Variants in CLDN10 observed in about 807,000 individuals in gnomAD.
CLDN10 encodes claudin-10.
CLDN10 carries 15 observed loss-of-function variants against 22.9 expected under a neutral mutation model. The observed-to-expected ratio is 0.65, with a 90% confidence interval of 0.44 to 1.01. The LOEUF is 1.01. Ranked by LOEUF, CLDN10 falls within the 50% of genes least tolerant of loss-of-function variation. CLDN10 has a pLI of 0.00. For missense variants in CLDN10, 247 were observed against 287.8 expected, an observed-to-expected ratio of 0.86 and a Z score of 1.03; for synonymous variants, 114 against 111.4, an observed-to-expected ratio of 1.02 and a Z score of -0.15.
chr13:95,506,632 C>T (rs999090352), intron 1 of CLDN10, among the ~76,000 whole-genome samples: 23 of 152,206 alleles, frequency 1.5e-4, no homozygotes, highest in Non-Finnish European at 3.4e-4. Context: ...GGACCCGTTC[C>T]TGTCAGTCAG....
chr13:95,434,569 A>G (rs1044752746), intron 1 of CLDN10, among the ~76,000 whole-genome samples: 7 of 150,482 alleles, frequency 4.7e-5, no homozygotes, highest in Admixed American at 3.9e-4. Flanking sequence ...ACATGTGTGT[A>G]TATATACATT....
At position 95,546,272 on chromosome 13, in the gene CLDN10, AC is replaced by A. The variant is rs147489932; in HGVS notation, c.215-13859del. Among the ~76,000 whole-genome samples the A allele has an allele frequency of 5.9e-5, 9 of 152,294 alleles. 1 individual carries two copies. The East Asian group carries it at 1.7e-3, about 29-fold the overall frequency. ...TTGTCTTGGTGGGAAGCAACTTCTC[AC>A]AAGGAGTGGAGACTCTAGAACTGAG... On this transcript the variant is annotated intron_variant, in intron 1 of 4. Transcript: ENST00000376873.
rs528766822 is a variant in CLDN10 at position 95,564,357 on chromosome 13, T to C, written c.464+3894T>C. 7.2e-5 allele frequency among the ~76,000 whole-genome samples: 11 copies of C among 152,308 alleles called. No homozygotes were observed. In the South Asian group the frequency reaches 2.3e-3, roughly 32 times the overall value. The stretch of plus-strand genomic sequence containing the variant: ...GAAAGCTCTCTTCTTCCCATTATTA[T>C]CTTACATTAATCTTACAAAAACTAG... On this transcript the variant is annotated intron_variant, in intron 3 of 4. Transcript: ENST00000299339.
intron 1 of CLDN10, chr13:95,480,078 T>G (rs186203873): frequency 6.6e-6 from 1 of 152,178 alleles, no homozygotes; most frequent in Non-Finnish European, 1.5e-5. Context: ...AGGAGGAACG[T>G]CACATCCTAC....
At chr13:95,462,992 G>A (rs1443034798) in intron 1 of CLDN10, among the ~76,000 whole-genome samples, 1 of 151,974 alleles carries the variant, frequency 6.6e-6, no homozygotes, top group East Asian at 1.9e-4. Context: ...TGCTTGCCAA[G>A]GACTGAGGCC....
chr13:95,563,055 A>T (rs1004673367), intron 3 of CLDN10, among the ~76,000 whole-genome samples: 1 of 142,502 alleles, frequency 7.0e-6, no homozygotes, highest in Non-Finnish European at 1.5e-5. Flanking sequence ...TTCCATTCTC[A>T]TTAGCTTCTT....
chr13:95,479,639 C>A (rs899027505), intron 1 of CLDN10: 1 of 152,096 alleles, frequency 6.6e-6, no homozygotes, highest in Non-Finnish European at 1.5e-5. Flanking sequence ...GAAAATGTTG[C>A]TACATCACTT....
intron 3 of CLDN10, among the ~76,000 whole-genome samples, chr13:95,570,858 G>GTGTGTATATATATA (rs60359070): frequency 2.6e-4 from 31 of 119,704 alleles, no homozygotes; most frequent in Admixed American, 3.3e-4. Context: ...ATATACGTGT[G>GTGTGTATATATATA]TATATATATA....
At chr13:95,542,195 C>A (rs922768370) in intron 1 of CLDN10, among the ~76,000 whole-genome samples, 3 of 152,182 alleles carry the variant, frequency 2.0e-5, no homozygotes, top group African/African-American at 4.8e-5. Flanking sequence ...GGTGCTGAAC[C>A]ATTCGTGAGA....
At chr13:95,487,576 A>G (rs1358049736) in intron 1 of CLDN10, among the ~76,000 whole-genome samples, 1 of 152,230 alleles carries the variant, frequency 6.6e-6, no homozygotes, top group Non-Finnish European at 1.5e-5. Flanking sequence ...TGAAACATAT[A>G]CAAAAATAAC....
chr13:95,517,504 G>A (rs771127184), intron 1 of CLDN10, among the ~76,000 whole-genome samples: 11 of 152,214 alleles, frequency 7.2e-5, no homozygotes, highest in Non-Finnish European at 1.3e-4. Flanking sequence ...AATGAAACTG[G>A]CTTGAGTCAA....
exon 1 of CLDN10, chr13:95,433,998 G>T (rs767766614): frequency 1.9e-6 from 3 of 1,614,224 alleles, no homozygotes; most frequent in Non-Finnish European, 1.7e-6. Context: ...CAGGTAACGC[G>T]TTGGGTTCTT....
Position 95,450,315 on chromosome 13 carries a change from G to A in CLDN10, c.214+16268G>A, listed in dbSNP as rs563973560. Among the ~76,000 whole-genome samples, 3 of 152,320 alleles carry A rather than the reference G, an allele frequency of 2.0e-5. No individual in the cohort carries two copies. In the East Asian group the frequency reaches 5.8e-4, roughly 29 times the overall value. On this transcript the variant is annotated intron_variant, in intron 1 of 4. Coordinates refer to the CLDN10 transcript ENST00000376873. ...CAAGACTGCTTTGAAACCAGACTTT[G>A]TTGTGTTTGTGTTAGCTAATCTCCC... is the stretch of plus-strand genomic sequence containing the variant.
intron 1 of CLDN10, among the ~76,000 whole-genome samples, chr13:95,473,138 T>TC (rs2042651979): frequency 1.3e-5 from 1 of 75,434 alleles, no homozygotes; most frequent in African/African-American, 7.1e-5. Context: ...AAAACCTATC[T>TC]CAAAAAAAAA....
intron 1 of CLDN10, among the ~76,000 whole-genome samples, chr13:95,439,113 G>A (rs2042300185): frequency 6.6e-6 from 1 of 152,012 alleles, no homozygotes; most frequent in Non-Finnish European, 1.5e-5. Flanking sequence ...CTTCTTGCTA[G>A]TTGGAATGTA....
At chr13:95,437,328 C>G (rs887915515) in intron 1 of CLDN10, among the ~76,000 whole-genome samples, 3 of 152,200 alleles carry the variant, frequency 2.0e-5, no homozygotes, top group African/African-American at 7.2e-5. Flanking sequence ...AGCCTGAAAG[C>G]TTGATTAAAA....
intron 1 of CLDN10, among the ~76,000 whole-genome samples, chr13:95,555,914 C>G (rs922597526): frequency 7.9e-5 from 12 of 152,146 alleles, no homozygotes; most frequent in Non-Finnish European, 1.2e-4. Context: ...CAGCCCTCCC[C>G]TTAAACCCAG....
At chr13:95,482,747 T>C (rs1456316184) in intron 1 of CLDN10, among the ~76,000 whole-genome samples, 1 of 152,032 alleles carries the variant, frequency 6.6e-6, no homozygotes, top group Non-Finnish European at 1.5e-5. Flanking sequence ...GAGGCTGAGG[T>C]GGGTGGATCA....
intron 3 of CLDN10, among the ~76,000 whole-genome samples, chr13:95,565,759 A>G (rs1282879313): frequency 6.6e-6 from 1 of 151,946 alleles, no homozygotes; most frequent in Non-Finnish European, 1.5e-5. Flanking sequence ...ATTTCTCCTA[A>G]TGCTATCCCT....
Sources: allele counts gnomAD v4.1 joint callset (sites outside exome capture counted in the v4.1 genomes callset), GRCh38; gene constraint gnomAD v4.1.1; transcripts MANE v1.5; gene names NCBI Gene and HGNC (gene_info 2026-07-23, HGNC 2026-07-21).